PUS10: variants seen among roughly 807,000 people sequenced by gnomAD.
PUS10 encodes tRNA pseudouridine synthase Pus10.
PUS10 carries 59 observed loss-of-function variants against 75.0 expected under a neutral mutation model. That is an observed-to-expected ratio of 0.79 (90% CI 0.64 to 0.98). PUS10 has a LOEUF of 0.98. PUS10 is among the 50% of genes least tolerant of loss of function. PUS10 has a pLI of 0.00. For missense variants in PUS10, 650 were observed against 614.4 expected, an observed-to-expected ratio of 1.06 and a Z score of -0.61; for synonymous variants, 219 against 211.6, an observed-to-expected ratio of 1.03 and a Z score of -0.30.
At chr2:60,994,305 T>C (rs146096402) in intron 4 of PUS10, among the ~76,000 whole-genome samples, 7 of 151,916 alleles carry the variant, frequency 4.6e-5, no homozygotes, top group Non-Finnish European at 8.8e-5. Flanking sequence ...AAAAACTTCA[T>C]TGGGACTTCC....
intron 2 of PUS10, chr2:61,010,742 G>A (rs1679544472): frequency 6.5e-7 from 1 of 1,544,016 alleles, no homozygotes; most frequent in Non-Finnish European, 8.8e-7. Context: ...GCTGGAAAGT[G>A]GTGGAACTGG....
intron 4 of PUS10, among the ~76,000 whole-genome samples, chr2:60,979,227 A>C (rs1463957795): frequency 6.6e-6 from 1 of 152,186 alleles, no homozygotes; most frequent in Non-Finnish European, 1.5e-5. Flanking sequence ...AACTGGGCTC[A>C]ATAAGGAGGT....
intron 2 of PUS10, chr2:61,010,448 TC>T: frequency 5.0e-6 from 1 of 200,914 alleles, no homozygotes; most frequent in Non-Finnish European, 1.0e-5. Context: ...TGCCTCAGCC[TC>T]CCAAGTAGCT....
intron 4 of PUS10, among the ~76,000 whole-genome samples, chr2:60,993,767 G>A (rs1042976028): frequency 2.6e-5 from 4 of 151,976 alleles, no homozygotes; most frequent in African/African-American, 7.2e-5. Flanking sequence ...TAAAAAGGAG[G>A]AGCAGCTGTA....
At chr2:60,977,921 A>G (rs1220917579) in intron 4 of PUS10, among the ~76,000 whole-genome samples, 1 of 152,258 alleles carries the variant, frequency 6.6e-6, no homozygotes, top group Non-Finnish European at 1.5e-5. Context: ...ATAAAAAAAC[A>G]GTCTCTGCCC....
At chr2:61,003,097 C>A (rs1211222788) in intron 4 of PUS10, among the ~76,000 whole-genome samples, 1 of 152,150 alleles carries the variant, frequency 6.6e-6, no homozygotes, top group Admixed American at 6.6e-5. Context: ...GATTATTATA[C>A]TAACTGTGAA....
chr2:60,951,489 G>A (rs908328923), intron 15 of PUS10, among the ~76,000 whole-genome samples: 2 of 152,226 alleles, frequency 1.3e-5, no homozygotes, highest in Non-Finnish European at 2.9e-5. Context: ...GGGATGATGA[G>A]GGACCCAGTG....
chr2:61,007,946 G>A (rs531711700), intron 3 of PUS10, among the ~76,000 whole-genome samples: 36 of 150,338 alleles, frequency 2.4e-4, no homozygotes, highest in Non-Finnish European at 4.0e-4. Context: ...GCTGGGTGGC[G>A]GGTGCCTGTA....
At chr2:61,011,736 GAAA>G (rs370406865) in intron 2 of PUS10, 26 bp downstream of exon 2, 651 of 1,148,180 alleles carry the variant, frequency 5.7e-4, no homozygotes, top group South Asian at 1.2e-3. Context: ...CTCTTAATTT[GAAA>G]AAAAAAAAAA....
At chr2:60,942,932 G>T (rs887742041) in intron 17 of PUS10, among the ~76,000 whole-genome samples, 1 of 151,620 alleles carries the variant, frequency 6.6e-6, no homozygotes, top group African/African-American at 2.4e-5. Flanking sequence ...TCAGGAAGCT[G>T]AGGCAGGAGA....
chr2:60,953,863 C>A lies in PUS10; in HGVS notation c.1190+70G>T, dbSNP rs1193433933. On this transcript the variant is annotated intron_variant, in intron 14 of 17. Coordinates refer to ENST00000316752, the MANE Select transcript of PUS10 (RefSeq NM_144709.4). ...TCTTTATATATTCTGGATGCAATTC[C>A]CTTATCAAGATATGTGACCTGCAAC... The A allele has an allele frequency of 2.2e-5, 25 of 1,151,850 alleles. No individual in the cohort carries two copies. In the Admixed American group the frequency reaches 3.1e-4, roughly 14 times the overall value. 71.4% of individuals were successfully genotyped at this position (1,151,850 alleles called of 1,614,324 possible). A position where few individuals can be genotyped will look rare whatever the true frequency, so the allele number is the denominator to read the frequency against.
At chr2:60,992,450 G>A (rs1043871680) in intron 4 of PUS10, among the ~76,000 whole-genome samples, 1 of 152,298 alleles carries the variant, frequency 6.6e-6, no homozygotes. Context: ...ATGAATTTCT[G>A]TGATGCTTTC....
chr2:60,967,412 A>G, intron 6 of PUS10, 90 bp downstream of exon 6: 1 of 798,420 alleles, frequency 1.3e-6, no homozygotes, highest in Non-Finnish European at 2.1e-6. Flanking sequence ...TTTAAAAAGA[A>G]GTTTTTTTGG....
chr2:60,953,731 C>T (rs1383536738), intron 14 of PUS10, among the ~76,000 whole-genome samples: 3 of 152,152 alleles, frequency 2.0e-5, no homozygotes, highest in Non-Finnish European at 2.9e-5. Flanking sequence ...TCCCCAATGA[C>T]TAATTATGTT....
intron 3 of PUS10, 25 bp downstream of exon 3, chr2:61,008,736 C>A: frequency 6.7e-7 from 1 of 1,500,862 alleles, no homozygotes. Flanking sequence ...ATAATTGCAC[C>A]TATAATGAAA....
chr2:60,971,225 T>C (rs1047198364), intron 5 of PUS10, among the ~76,000 whole-genome samples: 1 of 151,466 alleles, frequency 6.6e-6, no homozygotes, highest in Admixed American at 6.6e-5. Flanking sequence ...TTTTAAAAAA[T>C]AACTGCCCAA....
intron 4 of PUS10, among the ~76,000 whole-genome samples, chr2:60,979,117 A>ACATACG (rs1677221776): frequency 2.0e-5 from 1 of 50,680 alleles, no homozygotes; most frequent in East Asian, 2.9e-4. Context: ...ATACACATAC[A>ACATACG]CATACACATA....
At chr2:60,984,787 T>C (rs1371195091) in intron 4 of PUS10, among the ~76,000 whole-genome samples, 1 of 152,212 alleles carries the variant, frequency 6.6e-6, no homozygotes, top group East Asian at 1.9e-4. Context: ...TCAATGGTTG[T>C]TGCAAGGTAA....
chr2:60,943,986 A>T lies in PUS10; in HGVS notation c.1551+1023T>A, dbSNP rs540438439. ...ACAACAACAACAACAAAAAAACGCCAGGCATAGTGGCTCATGCCTGTGGTC... is the reference window on the plus strand; with the variant it reads ...ACAACAACAACAACAAAAAAACGCCTGGCATAGTGGCTCATGCCTGTGGTC... On this transcript the variant is annotated intron_variant, in intron 17 of 17. Transcript: ENST00000316752. 3.9e-5 allele frequency among the ~76,000 whole-genome samples: 6 copies of T among 152,164 alleles called. No individual in the cohort carries two copies. The South Asian group carries it at 1.2e-3, about 32-fold the overall frequency.
Sources: gnomAD v4.1 joint callset for allele counts (sites outside exome capture counted in the v4.1 genomes callset) on GRCh38, gnomAD v4.1.1 for gene constraint, MANE v1.5 for transcripts, NCBI Gene and HGNC (gene_info 2026-07-23, HGNC 2026-07-21) for gene names.